Variants in SLC24A2 observed in about 807,000 individuals in gnomAD.
SLC24A2 encodes the protein solute carrier family 24 member 2.
A neutral mutation model predicts 62.0 loss-of-function variants in SLC24A2; 36 were observed. The ratio of observed to expected loss-of-function variants is 0.58; its 90% CI spans 0.44 to 0.77. SLC24A2 has a LOEUF of 0.77. SLC24A2 is among the 30% of genes least tolerant of loss of function. The pLI is 0.00. For synonymous variants in SLC24A2, 358 were observed against 294.0 expected, an observed-to-expected ratio of 1.22 and a Z score of -2.23; for missense variants, 846 against 817.9, an observed-to-expected ratio of 1.03 and a Z score of -0.42.
the SLC24A2 span, among the ~76,000 whole-genome samples, chr9:20,058,723 G>C: frequency 2.0e-5 from 3 of 152,178 alleles, no homozygotes; most frequent in Non-Finnish European, 4.4e-5. Flanking sequence ...CTACGATTGA[G>C]TCACTATACT....
chr9:19,780,424 C>T (rs976300533), intron 2 of SLC24A2, among the ~76,000 whole-genome samples: 1 of 151,332 alleles, frequency 6.6e-6, no homozygotes, highest in African/African-American at 2.4e-5. Flanking sequence ...CCTGCCACTG[C>T]GCCCAGCTAA....
intron 2 of SLC24A2, among the ~76,000 whole-genome samples, chr9:19,651,886 A>G (rs1818812146): frequency 6.6e-6 from 1 of 152,046 alleles, no homozygotes; most frequent in Non-Finnish European, 1.5e-5. Flanking sequence ...CGCTCTTATA[A>G]CTCAGTTTTC....
the SLC24A2 span, among the ~76,000 whole-genome samples, chr9:19,967,056 T>C: frequency 2.0e-5 from 3 of 152,180 alleles, no homozygotes; most frequent in Admixed American, 1.3e-4. Flanking sequence ...AAATGTTTAC[T>C]GCACCCATGT....
chr9:19,929,216 C>G, the SLC24A2 span: 4 of 152,220 alleles, frequency 2.6e-5, no homozygotes, highest in African/African-American at 4.8e-5. Flanking sequence ...CAGCCCAAGA[C>G]TGAAGGGAAC....
intron 8 of SLC24A2, among the ~76,000 whole-genome samples, chr9:19,536,201 TTTA>T (rs962277576): frequency 5.4e-5 from 8 of 147,776 alleles, no homozygotes; most frequent in South Asian, 2.1e-4. Flanking sequence ...TTTTTATTTA[TTTA>T]TTTTTTTTTA....
At chr9:20,298,058 CAGCAGGG>C in the SLC24A2 span, among the ~76,000 whole-genome samples, 2 of 152,148 alleles carry the variant, frequency 1.3e-5, no homozygotes, top group African/African-American at 4.8e-5. Context: ...ATGGAGCAGG[CAGCAGGG>C]AGCAACAGCA....
chr9:20,098,022 G>A, the SLC24A2 span, among the ~76,000 whole-genome samples: 2 of 151,734 alleles, frequency 1.3e-5, no homozygotes, highest in African/African-American at 4.8e-5. Flanking sequence ...GATTACAGGC[G>A]GAGCCACCGC....
chr9:20,077,049 A>G, the SLC24A2 span, among the ~76,000 whole-genome samples: 2 of 151,794 alleles, frequency 1.3e-5, no homozygotes, highest in Non-Finnish European at 2.9e-5. Flanking sequence ...AGACACAGAA[A>G]AAAAAATTGC....
At chr9:19,988,412 C>G in the SLC24A2 span, among the ~76,000 whole-genome samples, 1 of 152,276 alleles carries the variant, frequency 6.6e-6, no homozygotes, top group East Asian at 1.9e-4. Flanking sequence ...CTTTTAATCC[C>G]CACTGAACAC....
At chr9:19,785,686 A>C (rs888382572) in intron 2 of SLC24A2, among the ~76,000 whole-genome samples, 1 of 152,236 alleles carries the variant, frequency 6.6e-6, no homozygotes, top group Non-Finnish European at 1.5e-5. Context: ...TGGGAGGCTT[A>C]TGTAACCTAT....
At chr9:19,910,419 G>T in the SLC24A2 span, among the ~76,000 whole-genome samples, 2 of 152,038 alleles carry the variant, frequency 1.3e-5, no homozygotes, top group Non-Finnish European at 2.9e-5. Flanking sequence ...TCTAGTTTTA[G>T]CTCCATTAAA....
At chr9:19,859,919 G>A in the SLC24A2 span, among the ~76,000 whole-genome samples, 4 of 152,156 alleles carry the variant, frequency 2.6e-5, no homozygotes, top group African/African-American at 9.7e-5. Context: ...AGCCAGAGAG[G>A]AATTGCTCAT....
the SLC24A2 span, among the ~76,000 whole-genome samples, chr9:20,294,829 G>C: frequency 6.6e-6 from 1 of 151,988 alleles, no homozygotes. Context: ...ACCCAACATT[G>C]GTATAACATC....
chr9:20,022,006 A>G, the SLC24A2 span, among the ~76,000 whole-genome samples: 2 of 152,134 alleles, frequency 1.3e-5, no homozygotes, highest in African/African-American at 4.8e-5. Flanking sequence ...GTTTCTTCCA[A>G]TGCCTCCCCT....
chr9:19,677,755 A>G (rs1024319301), intron 2 of SLC24A2, among the ~76,000 whole-genome samples: 2 of 151,096 alleles, frequency 1.3e-5, no homozygotes, highest in Non-Finnish European at 2.9e-5. Flanking sequence ...TACATTACAC[A>G]TAACACACAT....
intron 2 of SLC24A2, among the ~76,000 whole-genome samples, chr9:19,736,201 G>T (rs534806038): frequency 6.6e-6 from 1 of 151,942 alleles, no homozygotes; most frequent in East Asian, 1.9e-4. Context: ...AAATAGGGAT[G>T]GGAAACAAAA....
At chr9:19,889,583 C>A in the SLC24A2 span, among the ~76,000 whole-genome samples, 1 of 152,134 alleles carries the variant, frequency 6.6e-6, no homozygotes, top group Non-Finnish European at 1.5e-5. Flanking sequence ...ATTGCTGCTT[C>A]CAAACCATTT....
intron 8 of SLC24A2, among the ~76,000 whole-genome samples, chr9:19,532,930 G>T (rs1036512285): frequency 2.0e-5 from 3 of 152,090 alleles, no homozygotes; most frequent in Middle Eastern, 3.4e-3. Flanking sequence ...TAACTTTTTC[G>T]GTCCTTAGTT....
the SLC24A2 span, among the ~76,000 whole-genome samples, chr9:19,966,040 C>T: frequency 6.6e-6 from 1 of 152,120 alleles, no homozygotes; most frequent in Admixed American, 6.6e-5. Context: ...CTTATTCCTC[C>T]TTTTGATTGG....
Sources: allele counts gnomAD v4.1 joint callset (sites outside exome capture counted in the v4.1 genomes callset), GRCh38; gene constraint gnomAD v4.1.1; transcripts MANE v1.5; gene names NCBI Gene and HGNC (gene_info 2026-07-23, HGNC 2026-07-21).